The following MYRFL variants were observed in gnomAD, a reference collection of about 807,000 sequenced individuals.
MYRFL encodes the protein myelin regulatory factor like.
A neutral mutation model predicts 109.4 loss-of-function variants in MYRFL; 88 were observed. The ratio of observed to expected loss-of-function variants is 0.80; its 90% CI spans 0.68 to 0.96. MYRFL has a LOEUF of 0.96. Among genes scored for constraint, MYRFL ranks in the 40% least tolerant of loss-of-function variants. The pLI, the probability that MYRFL is intolerant of heterozygous loss-of-function variation, is 0.00. For synonymous variants in MYRFL, 324 were observed against 320.9 expected (o/e 1.01, Z -0.10); for missense variants, 957 against 954.9 (o/e 1.00, Z -0.03).
At chr12:69,911,021 C>T in intron 13 of MYRFL, 91 bp downstream of exon 13, 3 of 772,702 alleles carry the variant, frequency 3.9e-6, no homozygotes, top group Non-Finnish European at 6.1e-6. Flanking sequence ...AACATCCAAC[C>T]AGGAAGTGGG....
At chr12:69,876,460 T>A (rs891560191) in intron 2 of MYRFL, among the ~76,000 whole-genome samples, 3 of 152,094 alleles carry the variant, frequency 2.0e-5, no homozygotes, top group East Asian at 3.8e-4. Context: ...AGTTTAATCA[T>A]CATATAAGAA....
At chr12:69,871,173 CCT>C (rs955075362) in intron 2 of MYRFL, among the ~76,000 whole-genome samples, 1 of 151,980 alleles carries the variant, frequency 6.6e-6, no homozygotes, top group Non-Finnish European at 1.5e-5. Context: ...CTGCTCTACC[CCT>C]GTCTTTAAAT....
intron 2 of MYRFL, among the ~76,000 whole-genome samples, chr12:69,865,992 G>A (rs1240229): frequency 0.78 from 119,179 of 152,034 alleles, 47,398 homozygotes; most frequent in Non-Finnish European, 0.86. Context: ...TATATTATCT[G>A]TGTTTTACAG....
At chr12:69,958,418 CTT>C (rs35912210) in intron 24 of MYRFL, 25 bp from the exon 25 acceptor site, 35 of 1,207,914 alleles carry the variant, frequency 2.9e-5, no homozygotes, top group East Asian at 8.2e-5. Flanking sequence ...ATTAATCTTC[CTT>C]TTTTTTTTTC....
intron 8 of MYRFL, 151 bp from the exon 9 acceptor site, chr12:69,895,220 T>C (rs967711297): frequency 3.9e-5 from 24 of 616,466 alleles, no homozygotes; most frequent in Middle Eastern, 3.2e-4. Context: ...GGATAGCAGT[T>C]AATAATCGGG....
In MYRFL at chr12:69,880,951, G is replaced by GTTTTTTTTTTT. The variant is rs71094746; in HGVS notation, c.556+667_556+677dup. On this transcript the variant is annotated intron_variant, in intron 5 of 24. Coordinates refer to ENST00000552032, the MANE Select transcript of MYRFL (RefSeq NM_182530.3). ...TAATGTCCAAGCGGTCAGCCTTCCT[G>GTTTTTTTTTTT]TTTTTTTTTTTTTTTTTTGTCTTAT... Among the ~76,000 whole-genome samples, 108 of 112,612 alleles carry GTTTTTTTTTTT rather than the reference G, an allele frequency of 9.6e-4. 8 individuals carry two copies. Among genetic ancestry groups the GTTTTTTTTTTT allele is most frequent in the Non-Finnish European group, 1.2e-3 (65 of 55,750 alleles). The allele number at this position is 112,612 out of a possible 152,430, so 73.9% of individuals were successfully genotyped here.
At chr12:69,848,672 T>C (rs1883703441) in intron 1 of MYRFL, among the ~76,000 whole-genome samples, 1 of 152,184 alleles carries the variant, frequency 6.6e-6, no homozygotes, top group South Asian at 2.1e-4. Flanking sequence ...AAAATATATG[T>C]CATATGCAAA....
intron 2 of MYRFL, among the ~76,000 whole-genome samples, chr12:69,877,168 C>T (rs989501173): frequency 3.3e-5 from 5 of 151,750 alleles, no homozygotes; most frequent in Non-Finnish European, 5.9e-5. Context: ...GGACTACAGG[C>T]GGCTGCCACC....
intron 2 of MYRFL, among the ~76,000 whole-genome samples, chr12:69,873,609 A>C (rs1885484684): frequency 6.6e-6 from 1 of 152,238 alleles, no homozygotes; most frequent in African/African-American, 2.4e-5. Flanking sequence ...ATGGGTGGGT[A>C]GTGGATACAG....
chr12:69,850,545 A>G (rs1161858418), intron 1 of MYRFL, among the ~76,000 whole-genome samples: 1 of 152,182 alleles, frequency 6.6e-6, no homozygotes, highest in Non-Finnish European at 1.5e-5. Context: ...AAAAAGTTGA[A>G]GAAGTTTTTT....
intron 1 of MYRFL, 37 bp from the exon 2 acceptor site, chr12:69,855,243 C>G: frequency 1.4e-6 from 1 of 696,956 alleles, no homozygotes; most frequent in South Asian, 1.5e-5. Flanking sequence ...ATACTGAAAT[C>G]TTCATGTTTC....
At chr12:69,940,485 T>C (rs1955609263) in intron 19 of MYRFL, among the ~76,000 whole-genome samples, 1 of 149,932 alleles carries the variant, frequency 6.7e-6, no homozygotes, top group Non-Finnish European at 1.5e-5. Flanking sequence ...TAAAATACTT[T>C]ACAGACAAGC....
At chr12:69,844,205 G>A (rs548048386) in intron 1 of MYRFL, among the ~76,000 whole-genome samples, 1 of 152,272 alleles carries the variant, frequency 6.6e-6, no homozygotes, top group East Asian at 1.9e-4. Flanking sequence ...TTACTGCAGG[G>A]ATCATCTCTC....
chr12:69,915,708 G>A (rs1954708868), intron 13 of MYRFL, among the ~76,000 whole-genome samples: 1 of 152,122 alleles, frequency 6.6e-6, no homozygotes, highest in Admixed American at 6.5e-5. Flanking sequence ...GAGGTGGAGT[G>A]AGAGGGATTG....
chr12:69,947,802 G>C, intron 19 of MYRFL, among the ~76,000 whole-genome samples: 1 of 152,130 alleles, frequency 6.6e-6, no homozygotes, highest in Non-Finnish European at 1.5e-5. Context: ...CTTCTTCATA[G>C]TGCATGAGTC....
rs553483481 is a variant in MYRFL, at chr12:69,938,847, G to C, written c.2224+2215G>C. 2.0e-5 allele frequency among the ~76,000 whole-genome samples: 3 copies of C among 152,240 alleles called. No homozygotes were observed. The South Asian group carries it at 6.2e-4, about 32-fold the overall frequency. On this transcript the variant is annotated intron_variant, in intron 19 of 24. Coordinates refer to ENST00000552032, the MANE Select transcript of MYRFL (RefSeq NM_182530.3). ...GTCAGTGGGTGCGCGCACCGTGCGC[G>C]AGCCGAAGCAGGGCGAGGCATTGCC... is the stretch of plus-strand genomic sequence containing the variant.
chr12:69,895,079 C>A (rs1490587717), intron 8 of MYRFL, among the ~76,000 whole-genome samples: 2 of 152,196 alleles, frequency 1.3e-5, no homozygotes, highest in African/African-American at 4.8e-5. Context: ...GTAAAAGGAC[C>A]CATGCTGGGT....
rs1955093277 is a variant in MYRFL at position 69,926,631 on chromosome 12, C to T, written c.1663C>T (p.Leu555Phe). Residue 555 changes from leucine (L) to phenylalanine (F), a missense_variant, in exon 14 of 25, where the codon CTT (leucine) becomes TTT (phenylalanine). Physicochemically the swap from Leu to Phe is conservative, Grantham distance 22. Coordinates refer to ENST00000552032, the MANE Select transcript of MYRFL (RefSeq NM_182530.3). Reference sequence around the variant, plus strand: ...GCAACTGTGCAAACTAACTAACAACCTTGAGGAAAGAATAGAAGAGTTAGA... The same window carrying T: ...GCAACTGTGCAAACTAACTAACAACTTTGAGGAAAGAATAGAAGAGTTAGA... ...VKQLCKLTNN[L>F]EERIEELEIW... 3.3e-6 allele frequency: 5 copies of T among 1,528,686 alleles called. No individual in the cohort carries two copies. The South Asian group carries it at 3.6e-5, about 11-fold the overall frequency. 94.7% of individuals were successfully genotyped at this position (1,528,686 alleles called of 1,614,324 possible). A position where few individuals can be genotyped will look rare whatever the true frequency, so the allele number is the denominator to read the frequency against.
At chr12:69,842,263 C>G (rs2136317067) in intron 1 of MYRFL, among the ~76,000 whole-genome samples, 1 of 152,316 alleles carries the variant, frequency 6.6e-6, no homozygotes, top group East Asian at 1.9e-4. Context: ...GCTAAATGAT[C>G]TTTCAGAATT....
Sources: allele counts gnomAD v4.1 joint callset (sites outside exome capture counted in the v4.1 genomes callset), GRCh38; gene constraint gnomAD v4.1.1; transcripts MANE v1.5; gene names NCBI Gene and HGNC (gene_info 2026-07-23, HGNC 2026-07-21).